Variants in CDH12 observed in about 807,000 individuals in gnomAD.
The protein encoded by CDH12 is cadherin-12.
A neutral mutation model predicts 74.1 loss-of-function variants in CDH12; 41 were observed. The observed-to-expected ratio is 0.55, with a 90% CI of 0.43 to 0.72. The LOEUF (loss-of-function observed/expected upper bound fraction) is 0.72. Ranked by LOEUF, CDH12 falls within the 30% of genes least tolerant of loss-of-function variation. CDH12 has a pLI of 0.00. For synonymous variants in CDH12, 399 were observed against 355.0 expected (o/e 1.12, Z -1.39); for missense variants, 945 against 977.2 (o/e 0.97, Z 0.44).
intron 1 of CDH12, chr5:22,580,278 A>G: frequency 2.7e-6 from 1 of 369,526 alleles, no homozygotes. Context: ...CAAACATTGG[A>G]TGGCAAAGAG....
intron 1 of CDH12, among the ~76,000 whole-genome samples, chr5:22,841,767 AGT>A (rs1260217409): frequency 6.6e-6 from 1 of 152,168 alleles, no homozygotes; most frequent in African/African-American, 2.4e-5. Flanking sequence ...GAATTAACTG[AGT>A]CAAATAAACA....
At chr5:21,967,168 T>G (rs1756623407) in intron 6 of CDH12, among the ~76,000 whole-genome samples, 1 of 152,166 alleles carries the variant, frequency 6.6e-6, no homozygotes, top group Non-Finnish European at 1.5e-5. Context: ...AAATATTCAG[T>G]ATCAGTGATT....
intron 1 of CDH12, among the ~76,000 whole-genome samples, chr5:22,754,520 G>A (rs1233659466): frequency 6.8e-6 from 1 of 147,494 alleles, no homozygotes; most frequent in Non-Finnish European, 1.5e-5. Context: ...CAAAGGAGGA[G>A]TAAAATCATC....
intron 4 of CDH12, among the ~76,000 whole-genome samples, chr5:22,138,661 G>A (rs1173282684): frequency 6.7e-6 from 1 of 149,994 alleles, no homozygotes; most frequent in Non-Finnish European, 1.5e-5. Context: ...AGATCAAATA[G>A]GTCTTGAGTC....
At chr5:21,842,816 C>T (rs1171749057) in intron 7 of CDH12, among the ~76,000 whole-genome samples, 1 of 152,080 alleles carries the variant, frequency 6.6e-6, no homozygotes, top group Non-Finnish European at 1.5e-5. Context: ...TCAATATCTT[C>T]ATTACATATT....
chr5:22,812,719 G>A (rs1478571479), intron 1 of CDH12, among the ~76,000 whole-genome samples: 2 of 152,148 alleles, frequency 1.3e-5, no homozygotes, highest in South Asian at 2.1e-4. Flanking sequence ...AGGGTCTGGC[G>A]AAAAGAAAAA....
intron 3 of CDH12, among the ~76,000 whole-genome samples, chr5:22,310,099 T>C (rs905456411): frequency 3.9e-5 from 6 of 151,918 alleles, no homozygotes; most frequent in African/African-American, 1.2e-4. Flanking sequence ...TGTATACTTA[T>C]GTAGCAAATC....
At chr5:21,761,334 A>G (rs1318438323) in intron 12 of CDH12, among the ~76,000 whole-genome samples, 2 of 152,130 alleles carry the variant, frequency 1.3e-5, no homozygotes, top group African/African-American at 4.8e-5. Flanking sequence ...ATACTTGGAG[A>G]ATAAAAATAA....
At chr5:22,727,845 T>G (rs1177558459) in intron 1 of CDH12, among the ~76,000 whole-genome samples, 2 of 151,730 alleles carry the variant, frequency 1.3e-5, no homozygotes, top group Non-Finnish European at 1.5e-5. Flanking sequence ...GTGTATCATT[T>G]TTCTTATGGA....
chr5:22,027,089 T>C (rs1013838403), intron 5 of CDH12, among the ~76,000 whole-genome samples: 1 of 152,176 alleles, frequency 6.6e-6, no homozygotes, highest in Non-Finnish European at 1.5e-5. Context: ...TTTTTGTCTT[T>C]GGTTCTGTTT....
chr5:22,591,969 C>A (rs949944038), intron 1 of CDH12, among the ~76,000 whole-genome samples: 3 of 101,966 alleles, frequency 2.9e-5, no homozygotes, highest in African/African-American at 3.9e-5. Flanking sequence ...TTGTGACCAC[C>A]ATGTGAACCC....
At chr5:22,086,491 G>A (rs745575240) in intron 4 of CDH12, among the ~76,000 whole-genome samples, 7 of 151,902 alleles carry the variant, frequency 4.6e-5, no homozygotes, top group African/African-American at 9.7e-5. Context: ...TTACAGGCAC[G>A]TGCCAACAAG....
intron 1 of CDH12, among the ~76,000 whole-genome samples, chr5:22,564,843 A>G (rs1347162683): frequency 3.3e-5 from 5 of 152,182 alleles, no homozygotes; most frequent in African/African-American, 7.2e-5. Context: ...TCTTGGTTAT[A>G]GTGAATAGTG....
intron 3 of CDH12, among the ~76,000 whole-genome samples, chr5:22,300,487 C>T (rs569500042): frequency 6.6e-6 from 1 of 152,240 alleles, no homozygotes; most frequent in East Asian, 1.9e-4. Flanking sequence ...CTGAGAATTC[C>T]CTACCAGGTT....
At chr5:22,486,974 G>T (rs1036462316) in intron 2 of CDH12, among the ~76,000 whole-genome samples, 2 of 152,098 alleles carry the variant, frequency 1.3e-5, no homozygotes, top group African/African-American at 4.8e-5. Context: ...CGCCATGTCT[G>T]GGGGCAAACC....
intron 1 of CDH12, among the ~76,000 whole-genome samples, chr5:22,549,129 T>A (rs981557212): frequency 8.6e-4 from 93 of 108,380 alleles, no homozygotes; most frequent in Admixed American, 6.5e-3. Context: ...TTTATTTGTT[T>A]TTTTTTTGTT....
intron 3 of CDH12, among the ~76,000 whole-genome samples, chr5:22,294,401 C>T (rs906208539): frequency 6.6e-6 from 1 of 152,116 alleles, no homozygotes; most frequent in Admixed American, 6.5e-5. Context: ...CAAACTGTTA[C>T]CCCCCAGACA....
At position 22,396,864 on chromosome 5, in the gene CDH12, T is replaced by C. The variant is rs368928065; in HGVS notation, c.-333+8393A>G. Among the ~76,000 whole-genome samples the C allele has an allele frequency of 2.0e-5, 3 of 152,286 alleles. No individual in the cohort carries two copies. The South Asian group carries it at 6.2e-4, about 32-fold the overall frequency. ...TTGGGGCATGGTTTCTCTCCTACTG[T>C]CTGTCGTACCTCCTAAAATATGCCC... On this transcript the variant is annotated intron_variant, in intron 3 of 14. Coordinates refer to ENST00000382254, the MANE Select transcript of CDH12 (RefSeq NM_004061.5).
At chr5:21,927,795 T>C (rs1240392597) in intron 6 of CDH12, among the ~76,000 whole-genome samples, 1 of 150,496 alleles carries the variant, frequency 6.6e-6, no homozygotes, top group African/African-American at 2.4e-5. Context: ...ACAGGCCTGG[T>C]GCGGTGGCTC....
Sources: allele counts gnomAD v4.1 joint callset (sites outside exome capture counted in the v4.1 genomes callset), GRCh38; gene constraint gnomAD v4.1.1; transcripts MANE v1.5; gene names NCBI Gene and HGNC (gene_info 2026-07-23, HGNC 2026-07-21).